Variants in D2HGDH observed in about 807,000 individuals in gnomAD.
D2HGDH encodes D-2-hydroxyglutarate dehydrogenase, mitochondrial.
D2HGDH carries 31 observed loss-of-function variants against 46.9 expected under a neutral mutation model. The ratio of observed to expected loss-of-function variants is 0.66; its 90% CI spans 0.50 to 0.89. The LOEUF is 0.89. Among genes scored for constraint, D2HGDH ranks in the 40% least tolerant of loss-of-function variants. The pLI, the probability that D2HGDH is intolerant of heterozygous loss-of-function variation, is 0.00. For missense variants in D2HGDH, 698 were observed against 720.8 expected (o/e 0.97, Z 0.36); for synonymous variants, 364 against 332.6 (o/e 1.09, Z -1.03).
intron 1 of D2HGDH, 61 bp from the exon 2 acceptor site, chr2:241,735,072 C>A: frequency 1.2e-6 from 1 of 864,016 alleles, no homozygotes; most frequent in Non-Finnish European, 1.7e-6. Flanking sequence ...CCTGCTTCTG[C>A]AAGCGTGTTT....
intron 9 of D2HGDH, among the ~76,000 whole-genome samples, chr2:241,762,134 C>T (rs563513941): frequency 1.2e-3 from 161 of 137,040 alleles, no homozygotes; most frequent in African/African-American, 4.3e-3. Context: ...TGCAGTGGTG[C>T]GATCTTGGCT....
chr2:241,736,548 T>G (rs1468107611), intron 2 of D2HGDH, among the ~76,000 whole-genome samples: 1 of 147,112 alleles, frequency 6.8e-6, no homozygotes, highest in Non-Finnish European at 1.5e-5. Flanking sequence ...GTTTTTCTTC[T>G]CTGTGACTCT....
At chr2:241,748,648 G>A (rs1696500064) in intron 6 of D2HGDH, among the ~76,000 whole-genome samples, 1 of 152,150 alleles carries the variant, frequency 6.6e-6, no homozygotes, top group Non-Finnish European at 1.5e-5. Flanking sequence ...CATTGCCTCC[G>A]GCACAAGCCT....
chr2:241,764,240 TGCCTGGG>T (rs1487954680), intron 9 of D2HGDH, among the ~76,000 whole-genome samples: 1 of 152,200 alleles, frequency 6.6e-6, no homozygotes, highest in African/African-American at 2.4e-5. Flanking sequence ...CTGTACTCCC[TGCCTGGG>T]GTTTGTTCTC....
Position 241,735,422 on chromosome 2 carries a change from C to T in D2HGDH, c.198C>T (p.Asp66=), listed in dbSNP as rs751534794. 87 of 1,607,318 alleles carry T rather than the reference C, an allele frequency of 5.4e-5. No individual in the cohort carries two copies. Among genetic ancestry groups the T allele is most frequent in the Middle Eastern group, 4.9e-4 (3 of 6,070 alleles). Residue 66 remains aspartate, a synonymous_variant, in exon 2 of 10, where the codon GAC becomes GAT. Coordinates refer to ENST00000321264, the MANE Select transcript of D2HGDH (RefSeq NM_152783.5). The part of the protein sequence containing the change: ...RLPFSTVSKQ[D]LAAFERIVPG... ...CGTTCTCCACGGTGTCTAAGCAGGA[C>T]CTGGCCGCCTTTGAGCGCATCGTGC...
At chr2:241,744,599 C>A in intron 5 of D2HGDH, 110 bp from the exon 6 acceptor site, 2 of 1,327,006 alleles carry the variant, frequency 1.5e-6, no homozygotes, top group South Asian at 1.2e-5. Context: ...CATCCTTCAG[C>A]CTCTTGGCAT....
intron 8 of D2HGDH, chr2:241,754,973 G>C: frequency 1.6e-6 from 2 of 1,232,946 alleles, no homozygotes; most frequent in South Asian, 2.8e-5. Flanking sequence ...TGAGCCCTGG[G>C]TAGGACCCTG....
intron 5 of D2HGDH, 31 bp from the exon 6 acceptor site, chr2:241,744,677 AG>A: frequency 6.2e-7 from 1 of 1,614,114 alleles, no homozygotes. Flanking sequence ...GGAGGCTGGC[AG>A]GTGGGTGAAC....
rs1692466825 is a variant in D2HGDH, at chr2:241,735,342, C to T, written c.118C>T (p.Pro40Ser). ...PLARRGCCSAPGTPEVPLTRE... is the reference protein window; with the variant it reads ...PLARRGCCSASGTPEVPLTRE... ...GGCCCGCAGAGGCTGCTGCTCCGCC[C>T]CGGGGACCCCCGAGGTGCCGCTGAC... Residue 40 changes from proline to serine, a missense_variant, in exon 2 of 10, where the codon CCG becomes TCG. Transcript: ENST00000321264. 9 of 1,552,886 alleles carry T rather than the reference C, an allele frequency of 5.8e-6. No homozygotes were observed. The highest frequency in any genetic ancestry group is 7.8e-6 in the Non-Finnish European group (9 of 1,153,570).
intron 8 of D2HGDH, 34 bp from the exon 9 acceptor site, chr2:241,755,815 G>A (rs1559390827): frequency 6.2e-7 from 1 of 1,610,626 alleles, no homozygotes; most frequent in East Asian, 2.2e-5. Flanking sequence ...CGTTCCCATA[G>A]CCAGCCCTTG....
intron 8 of D2HGDH, chr2:241,755,249 C>T (rs1238884984): frequency 9.0e-7 from 1 of 1,115,772 alleles, no homozygotes; most frequent in Non-Finnish European, 1.2e-6. Flanking sequence ...CGTGGCCCAC[C>T]CACCATGTCC....
chr2:241,738,754 G>T (rs1289970779), intron 2 of D2HGDH, among the ~76,000 whole-genome samples: 1 of 152,232 alleles, frequency 6.6e-6, no homozygotes, highest in African/African-American at 2.4e-5. Flanking sequence ...CTGTGGGAGG[G>T]CGCCTTCCTC....
chr2:241,768,231 G>A lies in D2HGDH; in HGVS notation c.*262G>A, dbSNP rs908578061. On this transcript the variant is annotated 3_prime_UTR_variant, in exon 10 of 10. Transcript: ENST00000321264. ...GCCATCCTGGACAGGCCGGGGTGGC[G>A]GCAGCTTTGCCCACGTGGAAGCGGG... The A allele has an allele frequency of 1.3e-5, 7 of 552,676 alleles. No individual in the cohort carries two copies. Among genetic ancestry groups the A allele is most frequent in the East Asian group, 9.3e-5 (3 of 32,120 alleles). The allele number at this position is 552,676 out of a possible 1,614,324, so 34.2% of individuals were successfully genotyped here.
At position 241,750,469 on chromosome 2, in the gene D2HGDH, A is replaced by G. The variant is rs367678493; in HGVS notation, c.997+175A>G. Among the ~76,000 whole-genome samples, 24 of 152,258 alleles carry G rather than the reference A, an allele frequency of 1.6e-4. No homozygotes were observed. In the East Asian group the frequency reaches 3.7e-3, roughly 23 times the overall value. On this transcript the variant is annotated intron_variant, in intron 7 of 9. Coordinates refer to ENST00000321264, the MANE Select transcript of D2HGDH (RefSeq NM_152783.5). ...CTCATGTGTAAGAAAGCTGCTCTTA[A>G]CATATTTAGGACAAAGAACAGGCTG...
chr2:241,740,737 G>C (rs550690975), intron 2 of D2HGDH, among the ~76,000 whole-genome samples: 70 of 152,298 alleles, frequency 4.6e-4, no homozygotes, highest in African/African-American at 1.6e-3. Context: ...ACGAGGTCAG[G>C]AGTTCGAGAC....
At chr2:241,750,062 A>T (rs898030806) in intron 6 of D2HGDH, 89 bp from the exon 7 acceptor site, 2 of 1,598,802 alleles carry the variant, frequency 1.3e-6, no homozygotes, top group Non-Finnish European at 1.7e-6. Flanking sequence ...CACCCACATG[A>T]GTCGGGCTGA....
chr2:241,744,654 C>T (rs143101570), intron 5 of D2HGDH, 55 bp from the exon 6 acceptor site: 25 of 1,612,018 alleles, frequency 1.6e-5, no homozygotes, highest in African/African-American at 1.2e-4. Flanking sequence ...CGGAGGCGAC[C>T]GACGTCTTGT....
At position 241,735,502 on chromosome 2, in the gene D2HGDH, T is replaced by G; in HGVS notation, c.278T>G (p.Leu93Trp). 1 of 1,606,740 alleles carries G rather than the reference T, an allele frequency of 6.2e-7. No homozygotes were observed. Among genetic ancestry groups the G allele is most frequent in the East Asian group, 2.2e-5 (1 of 44,862 alleles). ...EALQAPNVDW[L>W]RTLRGCSKVL... is the part of the protein sequence containing the mutation. Reference sequence around the variant, plus strand: ...CTGCAGGCTCCCAACGTGGACTGGTTGCGGACGCTGCGAGGTGGGTGAGGC... The same window carrying G: ...CTGCAGGCTCCCAACGTGGACTGGTGGCGGACGCTGCGAGGTGGGTGAGGC... The change falls in exon 2 of 10, where the codon TTG becomes TGG. Residue 93 changes from leucine to tryptophan, a missense_variant. Coordinates refer to ENST00000321264, the MANE Select transcript of D2HGDH (RefSeq NM_152783.5).
At chr2:241,752,241 G>A (rs79456314) in intron 8 of D2HGDH, among the ~76,000 whole-genome samples, 4,279 of 152,228 alleles carry the variant, frequency 0.028, 77 homozygotes, top group Non-Finnish European at 0.043. Flanking sequence ...TGGGCAAAAC[G>A]GTGTCTGCTC....
Sources: gnomAD v4.1 joint callset for allele counts (sites outside exome capture counted in the v4.1 genomes callset) on GRCh38, gnomAD v4.1.1 for gene constraint, MANE v1.5 for transcripts, NCBI Gene and HGNC (gene_info 2026-07-23, HGNC 2026-07-21) for gene names.